IBTK: variants seen among roughly 807,000 people sequenced by gnomAD.
IBTK encodes the protein inhibitor of Bruton tyrosine kinase.
Under a neutral mutation model 154.9 loss-of-function variants are expected in IBTK, and 83 were observed. The observed-to-expected ratio is 0.54, with a 90% CI of 0.45 to 0.64. The LOEUF is 0.64. IBTK is among the 30% of genes least tolerant of loss of function. IBTK has a pLI of 0.00. For synonymous variants in IBTK, 515 were observed against 536.1 expected (o/e 0.96, Z 0.54); for missense variants, 1,332 against 1,584.6 (o/e 0.84, Z 2.71).
At chr6:82,243,018 A>G (rs9359518) in intron 1 of IBTK, among the ~76,000 whole-genome samples, 119,835 of 151,976 alleles carry the variant, frequency 0.79, 48,274 homozygotes, top group East Asian at 0.97. Flanking sequence ...AAGGCAGGCG[A>G]ATCACGAGGT....
chr6:82,220,854 T>A (rs1350630176), intron 8 of IBTK, 141 bp from the exon 9 acceptor site: 10 of 696,758 alleles, frequency 1.4e-5, no homozygotes, highest in Non-Finnish European at 2.3e-5. Flanking sequence ...CTTTGGTATC[T>A]CTAGCCTTCC....
In IBTK at chr6:82,221,901, A is replaced by G. The variant is rs138638101; in HGVS notation, c.1125-1188T>C. On this transcript the variant is annotated intron_variant, in intron 8 of 28. Transcript: ENST00000306270. ...AACTTTCTGCCAGGTGCAGTGGCTC[A>G]CGCCTGTAATCCAAGCATTTTGGGA... 8.7e-4 allele frequency among the ~76,000 whole-genome samples: 132 copies of G among 152,306 alleles called. 1 individual carries two copies. The highest frequency in any genetic ancestry group is 3.0e-3 in the African/African-American group (125 of 41,568).
chr6:82,187,259 T>A (rs1404661838), intron 25 of IBTK, among the ~76,000 whole-genome samples: 1 of 152,164 alleles, frequency 6.6e-6, no homozygotes, highest in Non-Finnish European at 1.5e-5. Flanking sequence ...ACCTATGTTT[T>A]TGGTCAAAAT....
intron 18 of IBTK, 120 bp downstream of exon 18, chr6:82,202,408 G>T: frequency 1.5e-6 from 1 of 684,326 alleles, no homozygotes; most frequent in East Asian, 2.9e-5. Context: ...CATCAGCATT[G>T]ATCAAATTCT....
chr6:82,188,977 C>T (rs1036709925), intron 25 of IBTK: 1 of 417,466 alleles, frequency 2.4e-6, no homozygotes, highest in Non-Finnish European at 4.7e-6. Context: ...TTGCAGTGAA[C>T]CAAGATCGCA....
chr6:82,239,503 T>A (rs1372785786), intron 2 of IBTK, among the ~76,000 whole-genome samples: 1 of 152,128 alleles, frequency 6.6e-6, no homozygotes, highest in African/African-American at 2.4e-5. Context: ...TAAATCATTT[T>A]AAAATACTAA....
intron 26 of IBTK, 33 bp from the exon 27 acceptor site, chr6:82,173,471 G>A (rs1326011799): frequency 4.5e-6 from 7 of 1,563,928 alleles, no homozygotes; most frequent in Non-Finnish European, 6.2e-6. Flanking sequence ...AAAGATTAAA[G>A]CTTCTAGTAA....
chr6:82,200,329 G>T, intron 20 of IBTK, 76 bp from the exon 21 acceptor site: 2 of 1,018,796 alleles, frequency 2.0e-6, no homozygotes, highest in South Asian at 1.4e-5. Context: ...AACCCAACAT[G>T]TTTAACCTGA....
chr6:82,210,888 TC>T lies in IBTK; in HGVS notation c.2434del (p.Glu812LysfsTer9). 6.4e-7 allele frequency: 1 copy of T among 1,571,356 alleles called. No individual in the cohort carries two copies. Reference sequence around the variant, plus strand: ...TAATATATCAGAATGTATTGGCATTTCCAGAGCTGCACAACTGGAAGCCTAA... The same window carrying T: ...TAATATATCAGAATGTATTGGCATTTCAGAGCTGCACAACTGGAAGCCTAA... ...WIEASSCAAL[E>X]MPIHSDILKV... On this transcript the variant is annotated frameshift_variant, in exon 16 of 29. Transcript: ENST00000306270. LOFTEE classifies it high-confidence loss of function.
chr6:82,216,112 C>T lies in IBTK; in HGVS notation c.1565G>A (p.Cys522Tyr), dbSNP rs760821225. 11 of 1,610,942 alleles carry T rather than the reference C, an allele frequency of 6.8e-6. No homozygotes were observed. Among genetic ancestry groups the T allele is most frequent in the Non-Finnish European group, 8.5e-6 (10 of 1,179,322 alleles). Residue 522 changes from cysteine (C) to tyrosine (Y), a missense_variant, in exon 11 of 29, where the codon TGC (cysteine) becomes TAC (tyrosine). Cys to Tyr is a radical substitution (Grantham distance 194, BLOSUM62 -2). Coordinates refer to ENST00000306270, the MANE Select transcript of IBTK (RefSeq NM_015525.4). ...AVSVSTDPSG[C>Y]NFAILQSDPK... ...ATCTGACTGCAGGATTGCAAAGTTG[C>T]ATCCACTTGGATCTGTGCTGACACT...
In IBTK at chr6:82,210,536, C is replaced by G. The variant is rs147123557; in HGVS notation, c.2509+278G>C. ...TTCCTATTGCTTATTCTAAATTAAGCCTTTATTGGCCAGGCATAGTGGCTC... is the reference window on the plus strand; with the variant it reads ...TTCCTATTGCTTATTCTAAATTAAGGCTTTATTGGCCAGGCATAGTGGCTC... On this transcript the variant is annotated intron_variant, in intron 16 of 28. Coordinates refer to ENST00000306270, the MANE Select transcript of IBTK (RefSeq NM_015525.4). 20 of 159,234 alleles carry G rather than the reference C, an allele frequency of 1.3e-4. No homozygotes were observed. The East Asian group carries it at 3.1e-3, about 25-fold the overall frequency. The allele number at this position is 159,234 out of a possible 1,614,324, so 9.9% of individuals were successfully genotyped here. A position where few individuals can be genotyped will look rare whatever the true frequency, so the allele number is the denominator to read the frequency against.
Position 82,220,616 on chromosome 6 carries a change from T to C in IBTK, c.1222A>G (p.Ile408Val), listed in dbSNP as rs779994598. 5 of 1,612,754 alleles carry C rather than the reference T, an allele frequency of 3.1e-6. No homozygotes were observed. Among genetic ancestry groups the C allele is most frequent in the Admixed American group, 1.7e-5 (1 of 59,758 alleles). ...CTTCCAGCTCCATCCATTGCAAGAA[T>C]GCAAATTTTTTGACCCCCATTTTCT... ...LKENGGQKICILAMDGAGRVF... is the reference protein window; with the variant it reads ...LKENGGQKICVLAMDGAGRVF... The change falls in exon 9 of 29, where the codon ATT becomes GTT. Residue 408 changes from isoleucine to valine, a missense_variant. Around this residue, in one of 3 missense-constraint regions of IBTK, gnomAD observed 1,134 missense variants for 1,274.7 expected, o/e 0.89. Transcript: ENST00000306270.
chr6:82,172,525 T>A lies in IBTK; in HGVS notation c.3798-13A>T. ...AGATAGCCAGGGACTGAAAGAATAATAATAATGAGTTTCATTCATCTTCCT... is the reference window on the plus strand; with the variant it reads ...AGATAGCCAGGGACTGAAAGAATAAAAATAATGAGTTTCATTCATCTTCCT... On this transcript the variant is annotated splice_polypyrimidine_tract_variant and intron_variant, in intron 27 of 28. Transcript: ENST00000306270. The A allele has an allele frequency of 1.3e-6, 2 of 1,589,218 alleles. No homozygotes were observed. Among genetic ancestry groups the A allele is most frequent in the Non-Finnish European group, 1.7e-6 (2 of 1,173,090 alleles).
chr6:82,197,103 T>G, intron 21 of IBTK, among the ~76,000 whole-genome samples: 1 of 152,214 alleles, frequency 6.6e-6, no homozygotes, highest in Non-Finnish European at 1.5e-5. Flanking sequence ...GTATCCAGGT[T>G]CAAACTTTTG....
intron 16 of IBTK, 140 bp downstream of exon 16, chr6:82,210,674 A>G (rs1769601474): frequency 3.3e-6 from 1 of 305,606 alleles, no homozygotes; most frequent in Non-Finnish European, 6.0e-6. Context: ...AATAATAAAA[A>G]ATAAATTAAA....
intron 2 of IBTK, among the ~76,000 whole-genome samples, chr6:82,235,022 G>C (rs369304923): frequency 6.6e-6 from 1 of 151,688 alleles, no homozygotes; most frequent in South Asian, 2.1e-4. Context: ...CACCATACCC[G>C]GCTAATTTTT....
chr6:82,173,243 C>G, intron 27 of IBTK, 124 bp downstream of exon 27: 1 of 600,940 alleles, frequency 1.7e-6, no homozygotes, highest in East Asian at 2.9e-5. Context: ...CTCAGATGAT[C>G]CACCCGCCTC....
At chr6:82,208,803 A>C (rs1769514662) in intron 16 of IBTK, among the ~76,000 whole-genome samples, 1 of 152,194 alleles carries the variant, frequency 6.6e-6, no homozygotes, top group Admixed American at 6.5e-5. Context: ...AAGTGAAAAC[A>C]ACTCAGAGAA....
chr6:82,194,276 A>C (rs1319104681), intron 23 of IBTK, among the ~76,000 whole-genome samples: 1 of 152,108 alleles, frequency 6.6e-6, no homozygotes, highest in Non-Finnish European at 1.5e-5. Context: ...TGATAATACA[A>C]AGGCAACTAA....
Sources: allele counts gnomAD v4.1 joint callset (sites outside exome capture counted in the v4.1 genomes callset), GRCh38; gene constraint gnomAD v4.1.1; regional missense constraint gnomAD v4.1.1; transcripts MANE v1.5; gene names NCBI Gene and HGNC (gene_info 2026-07-23, HGNC 2026-07-21).